ALDH16A1: variants seen among roughly 807,000 people sequenced by gnomAD.
The protein encoded by ALDH16A1 is aldehyde dehydrogenase 16 family member A1, also known as aldehyde dehydrogenase family 16 member A1.
In ALDH16A1, 88 loss-of-function variants were observed where a neutral mutation model predicts 96.1. The observed-to-expected ratio is 0.92, with a 90% confidence interval of 0.77 to 1.09. The LOEUF is 1.09. ALDH16A1 is among the 50% of genes least tolerant of loss of function. The pLI is 0.00. For missense variants in ALDH16A1, 1,250 were observed against 1,112.6 expected (o/e 1.12, Z -1.76); for synonymous variants, 522 against 496.4 (o/e 1.05, Z -0.69).
rs1368010977 is a variant in ALDH16A1, at chr19:49,462,690, CG to C, written c.1039del (p.Ala347LeufsTer155). On this transcript the variant is annotated frameshift_variant, in exon 8 of 17. Coordinates refer to ENST00000293350, the MANE Select transcript of ALDH16A1 (RefSeq NM_153329.4). LOFTEE classifies it high-confidence loss of function. ...GGATGGGGCCGTGGACATGGGGGCC[CG>C]GGGGGCTGCCGCATGTGACCTGGTC... ...GLDGAVDMGA[R>X]GAAACDLVQR... The C allele has an allele frequency of 1.9e-6, 3 of 1,607,788 alleles. No individual in the cohort carries two copies. Among genetic ancestry groups the C allele is most frequent in the Non-Finnish European group, 2.5e-6 (3 of 1,178,376 alleles).
At chr19:49,455,355 G>T (rs1465826596) in intron 1 of ALDH16A1, among the ~76,000 whole-genome samples, 1 of 150,886 alleles carries the variant, frequency 6.6e-6, no homozygotes. Context: ...GGTGGAGATT[G>T]CAGTGAGCCG....
chr19:49,458,430 T>C (rs1241420285), intron 1 of ALDH16A1, 56 bp from the exon 2 acceptor site: 5 of 1,416,572 alleles, frequency 3.5e-6, no homozygotes, highest in Admixed American at 2.0e-5. Flanking sequence ...TGGGTAGGGG[T>C]TGAACTGCCC....
chr19:49,468,418 A>G lies in ALDH16A1; in HGVS notation c.1976A>G (p.Glu659Gly). 6.2e-7 allele frequency: 1 copy of G among 1,600,346 alleles called. No individual in the cohort carries two copies. Among genetic ancestry groups the G allele is most frequent in the African/African-American group, 1.3e-5 (1 of 74,872 alleles). Residue 659 changes from glutamate (E) to glycine (G), a missense_variant, in exon 15 of 17, where the codon GAG becomes GGG. Glu to Gly is a moderately conservative substitution (Grantham distance 98, BLOSUM62 -2). Transcript: ENST00000293350. The surrounding 1 kb of genome is among the most constrained non-coding windows in gnomAD (Gnocchi z 4.4). ...GLRGPVLRLR[E>G]PLGVLAVVCP... Reference sequence around the variant, plus strand: ...AGAGGCCCTGTGCTGCGCCTGCGGGAGCCGCTGGGTGTGCTGGCTGTGGTG... The same window carrying G: ...AGAGGCCCTGTGCTGCGCCTGCGGGGGCCGCTGGGTGTGCTGGCTGTGGTG...
In ALDH16A1 at chr19:49,453,256, G is replaced by A. The variant is rs1026780728; in HGVS notation, c.-76G>A. The A allele has an allele frequency of 2.9e-6, 4 of 1,359,700 alleles. No homozygotes were observed. Among genetic ancestry groups the A allele is most frequent in the Non-Finnish European group, 4.0e-6 (4 of 1,008,322 alleles). The allele number at this position is 1,359,700 out of a possible 1,614,324, so 84.2% of individuals were successfully genotyped here. A position where few individuals can be genotyped will look rare whatever the true frequency, so the allele number is the denominator to read the frequency against. ...GCCCCTTTGGGCTGGAACCGGAGGT[G>A]TCGCTCTTCGGACCTCAAGGTTCCC... On this transcript the variant is annotated 5_prime_UTR_variant, in exon 1 of 17. Transcript: ENST00000293350.
intron 4 of ALDH16A1, among the ~76,000 whole-genome samples, chr19:49,460,356 G>T (rs185858406): frequency 6.6e-6 from 1 of 151,708 alleles, no homozygotes; most frequent in East Asian, 1.9e-4. Flanking sequence ...TCCCACCTCA[G>T]CCTCCCAAGT....
At chr19:49,467,844 A>G (rs958063865) in intron 14 of ALDH16A1, among the ~76,000 whole-genome samples, 1 of 150,366 alleles carries the variant, frequency 6.7e-6, no homozygotes, top group African/African-American at 2.5e-5. Context: ...ACCCCCCAAC[A>G]CCATATTTAT....
rs1177387294 is a variant in ALDH16A1, at chr19:49,468,294, T to C, written c.1939-87T>C. The C allele has an allele frequency of 7.2e-7, 1 of 1,396,296 alleles. No homozygotes were observed. Among genetic ancestry groups the C allele is most frequent in the Non-Finnish European group, 9.7e-7 (1 of 1,026,226 alleles). 86.5% of individuals were successfully genotyped at this position (1,396,296 alleles called of 1,614,324 possible). A position where few individuals can be genotyped will look rare whatever the true frequency, so the allele number is the denominator to read the frequency against. On this transcript the variant is annotated intron_variant, in intron 14 of 16. Transcript: ENST00000293350. This position sits in a 1 kb window ranked among gnomAD's most constrained non-coding sequence, Gnocchi z 4.4. ...TGGTGCGGTTTGGGCCAACACCAAGTGTTGGGGAGAATGTAGAGGAACTGG... is the reference window on the plus strand; with the variant it reads ...TGGTGCGGTTTGGGCCAACACCAAGCGTTGGGGAGAATGTAGAGGAACTGG...
At position 49,469,162 on chromosome 19, in the gene ALDH16A1, C is replaced by T. The variant is rs576900574; in HGVS notation, c.2247+176C>T. On this transcript the variant is annotated intron_variant, in intron 16 of 16. Transcript: ENST00000293350. ...TCAAGTTACTAAGGAAGAGGCTGTC[C>T]TTAGCAACAGGGGCCTGAGAGCTGC... The T allele has an allele frequency of 2.4e-5, 23 of 943,472 alleles. No individual in the cohort carries two copies. In the African/African-American group the frequency reaches 2.7e-4, roughly 11 times the overall value. The allele number at this position is 943,472 out of a possible 1,614,324, so 58.4% of individuals were successfully genotyped here. A position where few individuals can be genotyped will look rare whatever the true frequency, so the allele number is the denominator to read the frequency against.
At chr19:49,460,098 A>G (rs2079129924) in intron 4 of ALDH16A1, among the ~76,000 whole-genome samples, 1 of 151,494 alleles carries the variant, frequency 6.6e-6, no homozygotes, top group Non-Finnish European at 1.5e-5. Flanking sequence ...TTTATTAGAG[A>G]AGAGGGGTCT....
rs112286825 is a variant in ALDH16A1 at position 49,468,209 on chromosome 19, G to A, written c.1939-172G>A. On this transcript the variant is annotated intron_variant, in intron 14 of 16. Transcript: ENST00000293350. This position sits in a 1 kb window ranked among gnomAD's most constrained non-coding sequence, Gnocchi z 4.4. The stretch of plus-strand genomic sequence containing the variant: ...TTATGCAGGATGTTTCTCACCGCCC[G>A]AACCCCCGTGGAATGATTCACTTTG... 2.4e-3 allele frequency: 1,385 copies of A among 585,842 alleles called. 12 individuals are homozygous for A. Among genetic ancestry groups the A allele is most frequent in the African/African-American group, 0.023 (1,194 of 52,166 alleles). 36.3% of individuals were successfully genotyped at this position (585,842 alleles called of 1,614,324 possible).
chr19:49,461,867 C>T lies in ALDH16A1; in HGVS notation c.760-17C>T, dbSNP rs2079151209. The T allele has an allele frequency of 1.3e-6, 2 of 1,593,004 alleles. No individual in the cohort carries two copies. Among genetic ancestry groups the T allele is most frequent in the East Asian group, 4.6e-5 (2 of 43,812 alleles). Reference sequence around the variant, plus strand: ...CCGCAAGGCTCCTCCTGCGGCTGAACTGGGGGGGGTCCCTAGGAAGGGCGT... The same window carrying T: ...CCGCAAGGCTCCTCCTGCGGCTGAATTGGGGGGGGTCCCTAGGAAGGGCGT... On this transcript the variant is annotated splice_polypyrimidine_tract_variant and intron_variant, in intron 6 of 16. Coordinates refer to ENST00000293350, the MANE Select transcript of ALDH16A1 (RefSeq NM_153329.4).
In ALDH16A1 at chr19:49,459,376, G is replaced by A. The variant is rs537988084; in HGVS notation, c.320+290G>A. On this transcript the variant is annotated intron_variant, in intron 3 of 16. Transcript: ENST00000293350. This position sits in a 1 kb window ranked among gnomAD's most constrained non-coding sequence, Gnocchi z 4.1. ...AAATCCATTTCCTAGCCGCTTGCGG[G>A]GAAGCTAGAGACAAAAATTCCATTT... Among the ~76,000 whole-genome samples, 35 of 152,292 alleles carry A rather than the reference G, an allele frequency of 2.3e-4. No homozygotes were observed. Among genetic ancestry groups the A allele is most frequent in the Non-Finnish European group, 2.9e-5 (2 of 68,036 alleles).
At position 49,470,041 on chromosome 19, in the gene ALDH16A1, G is replaced by A. The variant is rs2946852; in HGVS notation, c.2248-265G>A. Reference sequence around the variant, plus strand: ...GTCCACTCTCTTAAACCTCCTGTTGGTAACAGATGTGAACTTGTTGACAAG... The same window carrying A: ...GTCCACTCTCTTAAACCTCCTGTTGATAACAGATGTGAACTTGTTGACAAG... On this transcript the variant is annotated intron_variant, in intron 16 of 16. Coordinates refer to ENST00000293350, the MANE Select transcript of ALDH16A1 (RefSeq NM_153329.4). The A allele has an allele frequency of 2.3e-3, 966 of 428,578 alleles. 12 individuals carry two copies. The highest frequency in any genetic ancestry group is 0.018 in the African/African-American group (843 of 48,094). 26.5% of individuals were successfully genotyped at this position (428,578 alleles called of 1,614,324 possible).
intron 11 of ALDH16A1, 44 bp downstream of exon 11, chr19:49,464,566 T>C (rs777479119): frequency 1.9e-5 from 30 of 1,597,136 alleles, no homozygotes; most frequent in Non-Finnish European, 2.6e-5. Context: ...CGCCGCCCCA[T>C]GCCCTTGACA....
Position 49,453,302 on chromosome 19 carries a change from A to G in ALDH16A1, c.-30A>G. On this transcript the variant is annotated 5_prime_UTR_variant, in exon 1 of 17. Coordinates refer to ENST00000293350, the MANE Select transcript of ALDH16A1 (RefSeq NM_153329.4). ...TTCCCCTTAACACAGAGCGCCCCGC[A>G]GTCTTCGCGGAAAGCGTTCGGGGTA... 2 of 1,532,108 alleles carry G rather than the reference A, an allele frequency of 1.3e-6. No homozygotes were observed. Among genetic ancestry groups the G allele is most frequent in the Non-Finnish European group, 1.8e-6 (2 of 1,138,926 alleles). 94.9% of individuals were successfully genotyped at this position (1,532,108 alleles called of 1,614,324 possible). A position where few individuals can be genotyped will look rare whatever the true frequency, so the allele number is the denominator to read the frequency against.
chr19:49,466,054 A>C (rs1056061571), intron 13 of ALDH16A1, 28 bp from the exon 14 acceptor site: 1 of 1,538,040 alleles, frequency 6.5e-7, no homozygotes, highest in Non-Finnish European at 8.7e-7. Flanking sequence ...CAGGATGCCA[A>C]CCCCCACTGT....
intron 14 of ALDH16A1, among the ~76,000 whole-genome samples, chr19:49,467,831 C>T (rs1387222474): frequency 6.6e-6 from 1 of 151,624 alleles, no homozygotes; most frequent in South Asian, 2.1e-4. Context: ...CCCCTTGCCT[C>T]CCACCCCCCA....
At position 49,463,879 on chromosome 19, in the gene ALDH16A1, C is replaced by G. The variant is rs370671753; in HGVS notation, c.1124C>G (p.Ser375Trp). 1.1e-5 allele frequency: 18 copies of G among 1,613,266 alleles called. No individual in the cohort carries two copies. Among genetic ancestry groups the G allele is most frequent in the Non-Finnish European group, 1.4e-5 (17 of 1,179,588 alleles). ...AQVFQAGDVPSERPFYPPTLV... is the reference protein window; with the variant it reads ...AQVFQAGDVPWERPFYPPTLV... ...GTGTTCCAGGCTGGTGATGTGCCTT[C>G]GGAACGCCCATTCTATCCCCCAACC... The change falls in exon 9 of 17, where the codon TCG becomes TGG. Residue 375 changes from serine to tryptophan, a missense_variant. Ser to Trp is a radical substitution (Grantham distance 177, BLOSUM62 -3). Transcript: ENST00000293350.
chr19:49,460,724 TTTTTTC>T, intron 4 of ALDH16A1, 92 bp from the exon 5 acceptor site: 4 of 1,024,366 alleles, frequency 3.9e-6, no homozygotes, highest in Non-Finnish European at 4.3e-6. Context: ...ATTTTTTTTT[TTTTTTC>T]CTAATGTAGC....
Sources: gnomAD v4.1 joint callset for allele counts (sites outside exome capture counted in the v4.1 genomes callset) on GRCh38, gnomAD v4.1.1 for gene constraint, Gnocchi (gnomAD v3.1) non-coding constraint, MANE v1.5 for transcripts, NCBI Gene and HGNC (gene_info 2026-07-23, HGNC 2026-07-21) for gene names.